The following COL5A2 variants were observed in gnomAD, a reference collection of about 807,000 sequenced individuals.
COL5A2 encodes collagen type V alpha 2 chain.
COL5A2 carries 23 observed loss-of-function variants against 208.2 expected under a neutral mutation model. The observed-to-expected ratio is 0.11, with a 90% CI of 0.08 to 0.16. COL5A2 has a LOEUF of 0.16. Ranked by LOEUF, COL5A2 falls within the 10% of genes least tolerant of loss-of-function variation. The probability of loss-of-function intolerance (pLI) is 1.00; values close to 1 mark genes in which losing one functional copy is unlikely to be tolerated. For missense variants in COL5A2, 1,590 were observed against 1,956.4 expected (o/e 0.81, Z 3.53); for synonymous variants, 625 against 628.5 (o/e 0.99, Z 0.08).
At chr2:189,178,491 A>G (rs2105829617) in intron 1 of COL5A2, among the ~76,000 whole-genome samples, 1 of 152,180 alleles carries the variant, frequency 6.6e-6, no homozygotes, top group South Asian at 2.1e-4. Context: ...TACATGGTTG[A>G]GTTGATGAAA....
At chr2:189,440,838 C>A in the COL5A2 span, among the ~76,000 whole-genome samples, 9 of 152,136 alleles carry the variant, frequency 5.9e-5, no homozygotes, top group African/African-American at 2.2e-4. Flanking sequence ...GTCAGATTAG[C>A]CCGAGCAGCT....
At chr2:189,244,274 T>C in the COL5A2 span, among the ~76,000 whole-genome samples, 2 of 152,196 alleles carry the variant, frequency 1.3e-5, no homozygotes, top group Non-Finnish European at 1.5e-5. Flanking sequence ...TTTTGCAAAA[T>C]TTTATGCTCT....
the COL5A2 span, among the ~76,000 whole-genome samples, chr2:189,254,797 G>C: frequency 6.6e-6 from 1 of 152,200 alleles, no homozygotes; most frequent in Non-Finnish European, 1.5e-5. Flanking sequence ...CTGTGAATCA[G>C]AGGCCAATTT....
At chr2:189,407,772 C>T in the COL5A2 span, among the ~76,000 whole-genome samples, 147 of 152,272 alleles carry the variant, frequency 9.7e-4, 2 homozygotes, top group African/African-American at 3.2e-3. Flanking sequence ...GACAACTCCT[C>T]TTTACTAGCT....
chr2:189,194,101 C>A (rs548878667), intron 1 of COL5A2, among the ~76,000 whole-genome samples: 1 of 151,986 alleles, frequency 6.6e-6, no homozygotes, highest in African/African-American at 2.4e-5. Context: ...ATTTCTAAAA[C>A]GGTAAATGCC....
At chr2:189,312,997 C>G in the COL5A2 span, among the ~76,000 whole-genome samples, 1 of 151,886 alleles carries the variant, frequency 6.6e-6, no homozygotes, top group Non-Finnish European at 1.5e-5. Context: ...GACAAAATAG[C>G]TGGTATGAAG....
At chr2:189,381,007 C>T in the COL5A2 span, among the ~76,000 whole-genome samples, 1 of 151,904 alleles carries the variant, frequency 6.6e-6, no homozygotes, top group Non-Finnish European at 1.5e-5. Context: ...AAATGAAATT[C>T]ATTTAAATGT....
the COL5A2 span, among the ~76,000 whole-genome samples, chr2:189,231,615 C>G: frequency 4.0e-5 from 6 of 151,452 alleles, no homozygotes; most frequent in Non-Finnish European, 8.9e-5. Flanking sequence ...TCTTTTTTGT[C>G]TGATAACTTA....
At chr2:189,163,543 G>C (rs1348849418) in intron 1 of COL5A2, among the ~76,000 whole-genome samples, 2 of 152,168 alleles carry the variant, frequency 1.3e-5, no homozygotes, top group Non-Finnish European at 2.9e-5. Flanking sequence ...CAATTTACAA[G>C]TTATAAATTG....
the COL5A2 span, among the ~76,000 whole-genome samples, chr2:189,259,565 C>T: frequency 7.0e-3 from 1,063 of 152,092 alleles, 4 homozygotes; most frequent in Admixed American, 0.015. Flanking sequence ...ATAACAAATT[C>T]GACATGAAAA....
chr2:189,354,414 C>T, the COL5A2 span, among the ~76,000 whole-genome samples: 14 of 152,156 alleles, frequency 9.2e-5, no homozygotes, highest in African/African-American at 2.9e-4. Context: ...AGGTCCTGGA[C>T]TTTTTTTGTT....
intron 2 of COL5A2, among the ~76,000 whole-genome samples, chr2:189,109,423 A>G (rs1264870055): frequency 6.6e-6 from 1 of 151,838 alleles, no homozygotes; most frequent in African/African-American, 2.4e-5. Flanking sequence ...TACTGTTGAA[A>G]CCTTTATTGT....
At chr2:189,386,534 T>A in the COL5A2 span, among the ~76,000 whole-genome samples, 1 of 152,082 alleles carries the variant, frequency 6.6e-6, no homozygotes, top group Non-Finnish European at 1.5e-5. Context: ...ATCAAGAAAT[T>A]AAACAGACAG....
At chr2:189,415,468 T>C in the COL5A2 span, among the ~76,000 whole-genome samples, 1 of 152,176 alleles carries the variant, frequency 6.6e-6, no homozygotes, top group African/African-American at 2.4e-5. Flanking sequence ...TGAATGTGTA[T>C]GTAAATTAGA....
chr2:189,299,739 G>A, the COL5A2 span, among the ~76,000 whole-genome samples: 1 of 152,070 alleles, frequency 6.6e-6, no homozygotes, highest in East Asian at 1.9e-4. Flanking sequence ...GATCTGTTTT[G>A]TTTCAATTCC....
chr2:189,193,113 AC>A (rs1688951433), intron 1 of COL5A2, among the ~76,000 whole-genome samples: 4 of 152,306 alleles, frequency 2.6e-5, no homozygotes, highest in Admixed American at 6.5e-5. Context: ...AGCCTCAAGA[AC>A]CATGCCAATA....
At chr2:189,043,496 A>G (rs1685602608) in intron 47 of COL5A2, among the ~76,000 whole-genome samples, 1 of 152,066 alleles carries the variant, frequency 6.6e-6, no homozygotes, top group African/African-American at 2.4e-5. Flanking sequence ...TTTTCTGAAG[A>G]TTTATTTTTT....
chr2:189,222,122 G>GT (rs1209358554), intron 1 of COL5A2, among the ~76,000 whole-genome samples: 1 of 152,130 alleles, frequency 6.6e-6, no homozygotes, highest in Admixed American at 6.5e-5. Context: ...TTTTGTTGCT[G>GT]TTTAACTTTT....
chr2:189,269,585 A>C, the COL5A2 span, among the ~76,000 whole-genome samples: 1 of 152,114 alleles, frequency 6.6e-6, no homozygotes, highest in Admixed American at 6.6e-5. Flanking sequence ...CCAGGAATGA[A>C]GTGACTTGAT....
Sources: gnomAD v4.1 joint callset for allele counts (sites outside exome capture counted in the v4.1 genomes callset) on GRCh38, gnomAD v4.1.1 for gene constraint, MANE v1.5 for transcripts, NCBI Gene and HGNC (gene_info 2026-07-23, HGNC 2026-07-21) for gene names.